The following SDK1 variants were observed in gnomAD, a reference collection of about 807,000 sequenced individuals.
SDK1 encodes the protein sidekick cell adhesion molecule 1.
SDK1 carries 157 observed loss-of-function variants against 245.5 expected under a neutral mutation model. The observed-to-expected ratio is 0.64, with a 90% confidence interval of 0.56 to 0.73. The LOEUF (loss-of-function observed/expected upper bound fraction) is 0.73, where lower values mean the gene tolerates loss of function less well. SDK1 is among the 30% of genes least tolerant of loss of function. SDK1 has a pLI of 0.00. For missense variants in SDK1, 3,583 were observed against 3,002.3 expected (o/e 1.19, Z -4.52); for synonymous variants, 1,647 against 1,278.5 (o/e 1.29, Z -6.15).
intron 14 of SDK1, among the ~76,000 whole-genome samples, chr7:3,991,401 C>T (rs560068555): frequency 6.6e-6 from 1 of 152,174 alleles, no homozygotes; most frequent in Non-Finnish European, 1.5e-5. Flanking sequence ...CTCAGGGCTC[C>T]CTTGCTGTTC....
In SDK1 at chr7:3,595,844, A is replaced by C. The variant is rs1333710315; in HGVS notation, c.299-23236A>C. ...ACTTCATCTCAAAAAAAAAAAAAAA[A>C]AAAAAAAAAAAACAACAACAAAAAA... On this transcript the variant is annotated intron_variant, in intron 1 of 44. Transcript: ENST00000404826. 3.3e-5 allele frequency among the ~76,000 whole-genome samples: 5 copies of C among 149,920 alleles called. No homozygotes were observed. The South Asian group carries it at 6.3e-4, about 19-fold the overall frequency.
chr7:3,609,613 G>C (rs556883580), intron 1 of SDK1, among the ~76,000 whole-genome samples: 1 of 152,002 alleles, frequency 6.6e-6, no homozygotes, highest in African/African-American at 2.4e-5. Flanking sequence ...TGTTTGCCAG[G>C]ATGGTCTCGA....
intron 1 of SDK1, among the ~76,000 whole-genome samples, chr7:3,347,104 C>T (rs953804252): frequency 2.0e-5 from 3 of 151,534 alleles, no homozygotes; most frequent in Non-Finnish European, 4.4e-5. Context: ...TGTTGGTTGC[C>T]CATGCCATTC....
chr7:3,646,398 T>G (rs1412730962), intron 4 of SDK1, among the ~76,000 whole-genome samples: 4 of 152,236 alleles, frequency 2.6e-5, no homozygotes, highest in African/African-American at 9.6e-5. Flanking sequence ...CTATTAATAA[T>G]CTTAACAGGA....
Position 4,077,120 on chromosome 7 carries a change from G to T in SDK1, c.3133G>T (p.Val1045Leu), listed in dbSNP as rs767644305. The T allele has an allele frequency of 6.2e-7, 1 of 1,614,210 alleles. No homozygotes were observed. Among genetic ancestry groups the T allele is most frequent in the Admixed American group, 1.7e-5 (1 of 60,026 alleles). The change falls in exon 21 of 45, where the codon GTG becomes TTG. Residue 1045 changes from valine to leucine, a missense_variant. By Grantham distance (32) the Val-to-Leu change is conservative. Coordinates refer to ENST00000404826, the MANE Select transcript of SDK1 (RefSeq NM_152744.4). ...ATCTCTCACCACCTACACCATCGAC[G>T]TGGCCGCTGTGACTGCCGTGGGCAC... ...LSSLTTYTIDVAAVTAVGTGL... is the reference protein window; with the variant it reads ...LSSLTTYTIDLAAVTAVGTGL...
At chr7:3,910,528 A>C (rs1456921772) in intron 5 of SDK1, among the ~76,000 whole-genome samples, 1 of 152,198 alleles carries the variant, frequency 6.6e-6, no homozygotes, top group Non-Finnish European at 1.5e-5. Context: ...GTACTGAGTC[A>C]TCGTGCCATT....
intron 14 of SDK1, among the ~76,000 whole-genome samples, chr7:4,003,176 G>T (rs1785201553): frequency 1.3e-5 from 2 of 152,274 alleles, no homozygotes; most frequent in Admixed American, 1.3e-4. Context: ...CATACACACA[G>T]ATCTGCTCTT....
intron 14 of SDK1, among the ~76,000 whole-genome samples, chr7:4,006,343 T>C (rs1030832078): frequency 6.6e-6 from 1 of 152,154 alleles, no homozygotes; most frequent in Non-Finnish European, 1.5e-5. Context: ...GTCTTCTAGA[T>C]CTGAGAGTCC....
chr7:4,068,992 G>A (rs755536674), intron 20 of SDK1, among the ~76,000 whole-genome samples: 16 of 152,208 alleles, frequency 1.1e-4, no homozygotes, highest in Non-Finnish European at 1.8e-4. Context: ...AAAGTGCTGG[G>A]ATTACAGGCG....
chr7:4,070,710 AT>A (rs60441124), intron 20 of SDK1, among the ~76,000 whole-genome samples: 435 of 143,762 alleles, frequency 3.0e-3, no homozygotes, highest in South Asian at 2.9e-3. Flanking sequence ...CACCTCTCAA[AT>A]TTTTTTTTTT....
At chr7:3,510,826 T>C (rs1333501970) in intron 1 of SDK1, among the ~76,000 whole-genome samples, 1 of 152,214 alleles carries the variant, frequency 6.6e-6, no homozygotes, top group African/African-American at 2.4e-5. Context: ...TCTCTGTAGA[T>C]GTAAATTACC....
At chr7:3,519,024 G>C (rs961509227) in intron 1 of SDK1, among the ~76,000 whole-genome samples, 1 of 152,004 alleles carries the variant, frequency 6.6e-6, no homozygotes, top group Admixed American at 6.6e-5. Context: ...AGGGCATTAT[G>C]TTTCTTGAAA....
intron 1 of SDK1, among the ~76,000 whole-genome samples, chr7:3,435,321 CTTTTTTTTTTTTTTTT>C (rs71029672): frequency 1.8e-5 from 1 of 56,878 alleles, no homozygotes; most frequent in South Asian, 9.0e-4. Flanking sequence ...AGGGGACTGC[CTTTTTTTTTTTTTTTT>C]TTTTTTTTTT....
chr7:3,551,778 C>T (rs1482458548), intron 1 of SDK1, among the ~76,000 whole-genome samples: 2 of 152,020 alleles, frequency 1.3e-5, no homozygotes, highest in Admixed American at 6.6e-5. Context: ...TGGGTTCGAG[C>T]AGTGTTTCCA....
chr7:3,491,874 T>C (rs958078306), intron 1 of SDK1, among the ~76,000 whole-genome samples: 4 of 152,222 alleles, frequency 2.6e-5, no homozygotes, highest in African/African-American at 9.6e-5. Context: ...AATTTCAATT[T>C]AAAAATTAAA....
chr7:4,018,014 G>A (rs1296483976), intron 17 of SDK1, among the ~76,000 whole-genome samples: 2 of 152,178 alleles, frequency 1.3e-5, no homozygotes, highest in African/African-American at 4.8e-5. Context: ...GCCCCAGGAG[G>A]AGCCAGCATT....
chr7:3,516,118 C>CT (rs11371619), intron 1 of SDK1, among the ~76,000 whole-genome samples: 47,837 of 139,888 alleles, frequency 0.34, 8,679 homozygotes, highest in African/African-American at 0.48. Flanking sequence ...AAGATATTTT[C>CT]TTTTTTTTTT....
intron 35 of SDK1, among the ~76,000 whole-genome samples, chr7:4,203,532 T>A (rs563689915): frequency 0.15 from 19,349 of 131,542 alleles, 1,447 homozygotes; most frequent in Non-Finnish European, 0.18. Context: ...TATTTTTTTT[T>A]TAAAAAAAAA....
At chr7:3,542,767 T>C (rs1218355474) in intron 1 of SDK1, among the ~76,000 whole-genome samples, 1 of 152,200 alleles carries the variant, frequency 6.6e-6, no homozygotes, top group Non-Finnish European at 1.5e-5. Context: ...AGAAGTGCTT[T>C]TAAAGAAGGT....
Sources: allele counts gnomAD v4.1 joint callset (sites outside exome capture counted in the v4.1 genomes callset), GRCh38; gene constraint gnomAD v4.1.1; transcripts MANE v1.5; gene names NCBI Gene and HGNC (gene_info 2026-07-23, HGNC 2026-07-21).